The following LARGE1 variants were observed in gnomAD, a reference collection of about 807,000 sequenced individuals.
LARGE1 encodes LARGE xylosyl- and glucuronyltransferase 1.
In LARGE1, 43 loss-of-function variants were observed where a neutral mutation model predicts 87.6. The observed-to-expected ratio is 0.49, with a 90% CI of 0.38 to 0.63. The LOEUF (loss-of-function observed/expected upper bound fraction) is 0.63. LARGE1 is among the 30% of genes least tolerant of loss of function. The pLI is 0.00. For missense variants in LARGE1, 802 were observed against 1,000.2 expected (o/e 0.80, Z 2.67); for synonymous variants, 434 against 394.6 (o/e 1.10, Z -1.18).
At chr22:33,846,983 T>C (rs2063452548) in intron 1 of LARGE1, among the ~76,000 whole-genome samples, 2 of 152,320 alleles carry the variant, frequency 1.3e-5, no homozygotes, top group South Asian at 4.1e-4. Flanking sequence ...CCTTGTGAAG[T>C]ACTTCATGTC....
chr22:33,817,140 G>C (rs1406825104), intron 1 of LARGE1, among the ~76,000 whole-genome samples: 1 of 152,034 alleles, frequency 6.6e-6, no homozygotes, highest in African/African-American at 2.4e-5. Context: ...ATACACTGGA[G>C]GCTCGGCAGT....
At chr22:33,204,221 C>T (rs966580001) in intron 11 of LARGE1, among the ~76,000 whole-genome samples, 8 of 151,998 alleles carry the variant, frequency 5.3e-5, no homozygotes, top group Non-Finnish European at 7.4e-5. Context: ...GGGCTGAAAA[C>T]GGATAGGGAG....
intron 6 of LARGE1, among the ~76,000 whole-genome samples, chr22:33,530,232 A>C (rs1164709513): frequency 6.6e-6 from 1 of 152,208 alleles, no homozygotes. Context: ...TGAAGTGGAA[A>C]GCATGAAGAT....
At chr22:33,627,270 AAAAGATCGG>A (rs2079950919) in intron 3 of LARGE1, among the ~76,000 whole-genome samples, 1 of 152,208 alleles carries the variant, frequency 6.6e-6, no homozygotes. Context: ...CACAACTTGA[AAAAGATCGG>A]AAAGCACCAC....
intron 1 of LARGE1, among the ~76,000 whole-genome samples, chr22:33,919,011 C>T (rs777154607): frequency 2.0e-5 from 3 of 151,320 alleles, no homozygotes; most frequent in Non-Finnish European, 4.4e-5. Context: ...TTTGCTCCCT[C>T]AGGAGATCAT....
At chr22:33,728,915 G>C (rs1171015453) in intron 2 of LARGE1, among the ~76,000 whole-genome samples, 1 of 152,104 alleles carries the variant, frequency 6.6e-6, no homozygotes, top group African/African-American at 2.4e-5. Context: ...ATAATATCCA[G>C]CTTTCTTTAC....
chr22:33,375,418 T>TG (rs1423562470), intron 9 of LARGE1, among the ~76,000 whole-genome samples: 1 of 152,168 alleles, frequency 6.6e-6, no homozygotes, highest in East Asian at 1.9e-4. Flanking sequence ...GTAAGCCAGG[T>TG]GGGCAGACCC....
chr22:33,206,097 G>A (rs565827188), intron 11 of LARGE1, among the ~76,000 whole-genome samples: 6 of 152,130 alleles, frequency 3.9e-5, no homozygotes, highest in East Asian at 1.9e-4. Flanking sequence ...TGGGACTACA[G>A]GCGCCCGCCA....
At chr22:33,687,991 C>T (rs2081992578) in intron 2 of LARGE1, among the ~76,000 whole-genome samples, 1 of 152,150 alleles carries the variant, frequency 6.6e-6, no homozygotes, top group South Asian at 2.1e-4. Context: ...GTATTCCTGC[C>T]CTCATCTTCA....
At chr22:33,504,301 C>T (rs2070658931) in intron 6 of LARGE1, among the ~76,000 whole-genome samples, 1 of 152,158 alleles carries the variant, frequency 6.6e-6, no homozygotes, top group African/African-American at 2.4e-5. Context: ...GCTCTGTTGC[C>T]CAGGCTGCAG....
rs571984399 is a variant in LARGE1 at position 33,533,136 on chromosome 22, T to C, written c.787+31712A>G. Among the ~76,000 whole-genome samples the C allele has an allele frequency of 3.1e-3, 470 of 152,218 alleles. 4 individuals are homozygous for C. The highest frequency in any genetic ancestry group is 0.019 in the South Asian group (90 of 4,822). On this transcript the variant is annotated intron_variant, in intron 6 of 14. Coordinates refer to ENST00000397394, the MANE Select transcript of LARGE1 (RefSeq NM_133642.5). Reference sequence around the variant, plus strand: ...TATGAGCATCCTGGGCTGAGTGACATACAAAGGGCCAGCCACTAACAATGG... The same window carrying C: ...TATGAGCATCCTGGGCTGAGTGACACACAAAGGGCCAGCCACTAACAATGG...
intron 1 of LARGE1, among the ~76,000 whole-genome samples, chr22:33,789,954 G>C (rs900791010): frequency 6.6e-6 from 1 of 152,166 alleles, no homozygotes; most frequent in Non-Finnish European, 1.5e-5. Context: ...GACTTTGGGG[G>C]ACTGTTGGGA....
intron 1 of LARGE1, among the ~76,000 whole-genome samples, chr22:33,915,960 T>G (rs917989537): frequency 1.3e-5 from 2 of 152,152 alleles, no homozygotes; most frequent in Non-Finnish European, 2.9e-5. Context: ...TGAACAAGTC[T>G]GCAGGATAGT....
chr22:33,827,848 G>C (rs532967395), intron 1 of LARGE1, among the ~76,000 whole-genome samples: 9 of 152,254 alleles, frequency 5.9e-5, no homozygotes, highest in African/African-American at 2.2e-4. Context: ...TCCTCCCCTA[G>C]AGTTTCGGAT....
intron 1 of LARGE1, among the ~76,000 whole-genome samples, chr22:33,864,483 T>C (rs1157421505): frequency 6.6e-6 from 1 of 152,008 alleles, no homozygotes; most frequent in Admixed American, 6.6e-5. Flanking sequence ...GGCCTTGGAG[T>C]GGAGAGCGCC....
chr22:33,872,479 C>T (rs1769938049), intron 1 of LARGE1, among the ~76,000 whole-genome samples: 1 of 151,860 alleles, frequency 6.6e-6, no homozygotes, highest in East Asian at 1.9e-4. Flanking sequence ...TCGTCATCAC[C>T]AGTGTCATCA....
At chr22:33,896,634 C>A (rs1291370165) in intron 1 of LARGE1, among the ~76,000 whole-genome samples, 1 of 152,174 alleles carries the variant, frequency 6.6e-6, no homozygotes, top group African/African-American at 2.4e-5. Context: ...ATGCCGTCAC[C>A]TTGCTAGAAT....
At chr22:33,576,013 A>G (rs2078341698) in intron 5 of LARGE1, among the ~76,000 whole-genome samples, 1 of 152,224 alleles carries the variant, frequency 6.6e-6, no homozygotes, top group African/African-American at 2.4e-5. Context: ...GGACTGTTAC[A>G]GTGGCTTAAT....
chr22:33,856,335 G>A (rs1410241822), intron 1 of LARGE1, among the ~76,000 whole-genome samples: 1 of 152,116 alleles, frequency 6.6e-6, no homozygotes, highest in Admixed American at 6.5e-5. Flanking sequence ...GGGTGGGTGG[G>A]TGGTGGGTCT....
Sources: allele counts gnomAD v4.1 joint callset (sites outside exome capture counted in the v4.1 genomes callset), GRCh38; gene constraint gnomAD v4.1.1; transcripts MANE v1.5; gene names NCBI Gene and HGNC (gene_info 2026-07-23, HGNC 2026-07-21).